The following GABRA2 variants were observed in gnomAD, a reference collection of about 807,000 sequenced individuals.
GABRA2 encodes the protein gamma-aminobutyric acid type A receptor subunit alpha2, also known as gamma-aminobutyric acid receptor subunit alpha-2.
A neutral mutation model predicts 48.7 loss-of-function variants in GABRA2; 16 were observed. The ratio of observed to expected loss-of-function variants is 0.33; its 90% CI spans 0.22 to 0.50. The LOEUF is 0.50. Among genes scored for constraint, GABRA2 ranks in the 20% least tolerant of loss-of-function variants. The probability of loss-of-function intolerance (pLI) is 0.98; values close to 1 mark genes in which losing one functional copy is unlikely to be tolerated. For synonymous variants in GABRA2, 185 were observed against 184.5 expected, an observed-to-expected ratio of 1.00 and a Z score of -0.02; for missense variants, 275 against 535.6, an observed-to-expected ratio of 0.51 and a Z score of 4.80.
At position 46,281,013 on chromosome 4, in the gene GABRA2, G is replaced by C. The variant is rs540434360; in HGVS notation, c.857-18885C>G. The stretch of plus-strand genomic sequence containing the variant: ...CTTCCAGTCTCCAGAACTAAGAGAA[G>C]ATGAAGTTTCTGTTTTTTAAGCCAC... On this transcript the variant is annotated intron_variant, in intron 8 of 9. Coordinates refer to ENST00000381620, the MANE Select transcript of GABRA2 (RefSeq NM_000807.4). 2.0e-5 allele frequency among the ~76,000 whole-genome samples: 3 copies of C among 152,278 alleles called. No individual in the cohort carries two copies. In the South Asian group the frequency reaches 6.2e-4, roughly 32 times the overall value.
chr4:46,374,191 C>T (rs1009014612), intron 3 of GABRA2, among the ~76,000 whole-genome samples: 6 of 151,974 alleles, frequency 3.9e-5, no homozygotes, highest in African/African-American at 1.4e-4. Flanking sequence ...ACTCTCCAAC[C>T]AAAAAATCTT....
chr4:46,378,873 C>T (rs1165728266), intron 3 of GABRA2, among the ~76,000 whole-genome samples: 2 of 151,852 alleles, frequency 1.3e-5, no homozygotes, highest in Admixed American at 6.6e-5. Context: ...ATGCACTTTA[C>T]TGACATCACC....
chr4:46,262,167 T>C, intron 8 of GABRA2, 39 bp from the exon 9 acceptor site: 1 of 1,555,504 alleles, frequency 6.4e-7, no homozygotes, highest in Admixed American at 1.7e-5. Context: ...CATCAATAGG[T>C]ACTAGCAGGA....
rs562891121 is a variant in GABRA2, at chr4:46,247,143, A to C, written c.*3165T>G. On this transcript the variant is annotated 3_prime_UTR_variant, in exon 10 of 10. Coordinates refer to ENST00000381620, the MANE Select transcript of GABRA2 (RefSeq NM_000807.4). ...TATCCAAACCTGAGATAAATTCAAA[A>C]TAGAGAGATACCTGAAAAGATTTCT... 4.0e-5 allele frequency among the ~76,000 whole-genome samples: 6 copies of C among 151,330 alleles called. No individual in the cohort carries two copies. Among genetic ancestry groups the C allele is most frequent in the Non-Finnish European group, 7.4e-5 (5 of 67,558 alleles).
chr4:46,273,585 G>C (rs986649414), intron 8 of GABRA2, among the ~76,000 whole-genome samples: 1 of 145,510 alleles, frequency 6.9e-6, no homozygotes, highest in African/African-American at 2.6e-5. Context: ...TTTAGGAAAT[G>C]TATTAAGCCA....
At chr4:46,285,469 G>A (rs1022674521) in intron 8 of GABRA2, among the ~76,000 whole-genome samples, 5 of 151,932 alleles carry the variant, frequency 3.3e-5, no homozygotes, top group African/African-American at 1.2e-4. Context: ...TCTCAACTCT[G>A]TACTAGGATG....
At chr4:46,356,437 G>GA (rs35415258) in intron 3 of GABRA2, among the ~76,000 whole-genome samples, 109,505 of 139,596 alleles carry the variant, frequency 0.78, 43,039 homozygotes, top group African/African-American at 0.93. Flanking sequence ...AACTCACTAA[G>GA]AAAAAAAAAA....
chr4:46,370,671 A>T (rs540399880), intron 3 of GABRA2, among the ~76,000 whole-genome samples: 2 of 152,096 alleles, frequency 1.3e-5, no homozygotes, highest in South Asian at 4.1e-4. Flanking sequence ...ATTTTCATGC[A>T]ATGGGAGCAC....
At chr4:46,303,733 G>A (rs1726154397) in intron 7 of GABRA2, 121 bp from the exon 8 acceptor site, 1 of 777,458 alleles carries the variant, frequency 1.3e-6, no homozygotes. Flanking sequence ...TCACATACAT[G>A]TCAGGAAATT....
upstream of GABRA2, chr4:46,390,130 GA>G: frequency 1.1e-6 from 1 of 921,764 alleles, no homozygotes; most frequent in Non-Finnish European, 1.3e-6. Flanking sequence ...CCCGCGCCTG[GA>G]GGAGGAGGAG....
At chr4:46,338,958 TCAC>T (rs1286688133) in intron 3 of GABRA2, among the ~76,000 whole-genome samples, 3 of 151,932 alleles carry the variant, frequency 2.0e-5, no homozygotes, top group Non-Finnish European at 4.4e-5. Flanking sequence ...AGATTTCTTT[TCAC>T]CATCTCTAAG....
chr4:46,368,234 A>G (rs1295310104), intron 3 of GABRA2: 1 of 152,106 alleles, frequency 6.6e-6, no homozygotes, highest in African/African-American at 2.4e-5. Context: ...GACTAATCCA[A>G]TCACTAAACA....
chr4:46,312,618 A>C lies in GABRA2; in HGVS notation c.354T>G (p.Ala118=). The C allele has an allele frequency of 6.4e-7, 1 of 1,574,800 alleles. No individual in the cohort carries two copies. Among genetic ancestry groups the C allele is most frequent in the Non-Finnish European group, 8.6e-7 (1 of 1,162,592 alleles). The change falls in exon 5 of 10, where the codon GCT becomes GCG. Residue 118 remains alanine (A), a synonymous_variant. Coordinates refer to ENST00000381620, the MANE Select transcript of GABRA2 (RefSeq NM_000807.4). ...AGGTATCTGGAGTCCAGATTTTGCTAGCCATTAAATTGTTTAGTCGAAGGA... is the reference window on the plus strand; with the variant it reads ...AGGTATCTGGAGTCCAGATTTTGCTCGCCATTAAATTGTTTAGTCGAAGGA... ...MNILRLNNLM[A]SKIWTPDTFF...
chr4:46,336,980 A>C (rs1400707452), intron 3 of GABRA2, among the ~76,000 whole-genome samples: 1 of 152,128 alleles, frequency 6.6e-6, no homozygotes, highest in Non-Finnish European at 1.5e-5. Context: ...GAAATGTAGT[A>C]TAGAATAACA....
chr4:46,317,806 T>C lies in GABRA2; in HGVS notation c.256-5090A>G, dbSNP rs200401723. ...AAAAAATTCAAAAAAAAATTTATAA[T>C]TATCAGTGAGGCTATTTAAAATATG... On this transcript the variant is annotated intron_variant, in intron 4 of 9. Transcript: ENST00000381620. 7.2e-5 allele frequency among the ~76,000 whole-genome samples: 11 copies of C among 151,880 alleles called. 1 individual carries two copies. The East Asian group carries it at 1.4e-3, about 19-fold the overall frequency.
rs1180503044 is a variant in GABRA2, at chr4:46,246,893, T to C, written c.*3415A>G. On this transcript the variant is annotated 3_prime_UTR_variant, in exon 10 of 10. Transcript: ENST00000381620. ...TTCCTTTCTTCTTTCATTGGAATGA[T>C]GACCGGCCATGCCAAAGAAAAGTAC... Among the ~76,000 whole-genome samples, 1 of 151,156 alleles carries C rather than the reference T, an allele frequency of 6.6e-6. No homozygotes were observed. The highest frequency in any genetic ancestry group is 1.5e-5 in the Non-Finnish European group (1 of 67,396).
chr4:46,258,632 A>G (rs552720415), intron 9 of GABRA2, among the ~76,000 whole-genome samples: 1 of 151,962 alleles, frequency 6.6e-6, no homozygotes, highest in East Asian at 1.9e-4. Flanking sequence ...ACTCTGGCAG[A>G]GAATCAAAAA....
At chr4:46,353,847 T>G (rs1471165616) in intron 3 of GABRA2, among the ~76,000 whole-genome samples, 4 of 152,130 alleles carry the variant, frequency 2.6e-5, no homozygotes, top group African/African-American at 9.7e-5. Flanking sequence ...CATTCGATAC[T>G]TCCTGACATA....
intron 3 of GABRA2, among the ~76,000 whole-genome samples, chr4:46,357,140 A>T (rs1736120877): frequency 6.6e-6 from 1 of 151,938 alleles, no homozygotes; most frequent in Admixed American, 6.6e-5. Context: ...TACATAAAAC[A>T]GTGATCAGGA....
Sources: allele counts gnomAD v4.1 joint callset (sites outside exome capture counted in the v4.1 genomes callset), GRCh38; gene constraint gnomAD v4.1.1; transcripts MANE v1.5; gene names NCBI Gene and HGNC (gene_info 2026-07-23, HGNC 2026-07-21).